The following NCKAP5 variants were observed in gnomAD, a reference collection of about 807,000 sequenced individuals.
NCKAP5 encodes the protein nck-associated protein 5.
Under a neutral mutation model 167.0 loss-of-function variants are expected in NCKAP5, and 92 were observed. That is an observed-to-expected ratio of 0.55 (90% CI 0.47 to 0.66). The LOEUF (loss-of-function observed/expected upper bound fraction) is 0.66, where lower values mean the gene tolerates loss of function less well. Among genes scored for constraint, NCKAP5 ranks in the 30% least tolerant of loss-of-function variants. NCKAP5 has a pLI of 0.00. For synonymous variants in NCKAP5, 891 were observed against 877.4 expected (o/e 1.02, Z -0.27); for missense variants, 2,378 against 2,315.0 (o/e 1.03, Z -0.56).
intron 2 of NCKAP5, among the ~76,000 whole-genome samples, chr2:133,518,372 T>TTG: frequency 7.7e-6 from 1 of 129,214 alleles, no homozygotes; most frequent in Non-Finnish European, 1.6e-5. Context: ...TTTTTTTTTT[T>TTG]GGGATGGAAT....
At chr2:133,516,850 G>T (rs1347349090) in intron 3 of NCKAP5, among the ~76,000 whole-genome samples, 1 of 152,188 alleles carries the variant, frequency 6.6e-6, no homozygotes, top group Non-Finnish European at 1.5e-5. Context: ...ACACATGTTG[G>T]CCCAGAGACT....
intron 8 of NCKAP5, among the ~76,000 whole-genome samples, chr2:132,927,759 AG>A (rs1463577612): frequency 1.3e-5 from 2 of 152,078 alleles, no homozygotes; most frequent in African/African-American, 2.4e-5. Flanking sequence ...ATTAAATCTA[AG>A]AGTTTTTGGA....
intron 5 of NCKAP5, among the ~76,000 whole-genome samples, chr2:133,197,025 G>A (rs1469586744): frequency 6.6e-6 from 1 of 152,096 alleles, no homozygotes; most frequent in Non-Finnish European, 1.5e-5. Flanking sequence ...TCTTCTGACT[G>A]TTTTGTTCCA....
intron 9 of NCKAP5, among the ~76,000 whole-genome samples, chr2:132,870,273 C>G (rs1265111787): frequency 1.3e-5 from 2 of 152,162 alleles, no homozygotes; most frequent in Non-Finnish European, 2.9e-5. Context: ...CTAAACTTCA[C>G]TATTACCTTG....
the NCKAP5 span, among the ~76,000 whole-genome samples, chr2:133,589,326 C>A: frequency 6.6e-6 from 1 of 152,156 alleles, no homozygotes; most frequent in African/African-American, 2.4e-5. Flanking sequence ...AAGAATACAT[C>A]TGAGGTTTTT....
chr2:133,123,914 T>G (rs2082324305), intron 6 of NCKAP5: 1 of 399,188 alleles, frequency 2.5e-6, no homozygotes, highest in African/African-American at 2.1e-5. Context: ...CTATGCCAGG[T>G]GCCTACAGTT....
intron 6 of NCKAP5, among the ~76,000 whole-genome samples, chr2:133,016,734 A>G (rs2078352382): frequency 6.6e-6 from 1 of 152,216 alleles, no homozygotes; most frequent in Non-Finnish European, 1.5e-5. Context: ...TCCAGAAAGG[A>G]TAGCTGAGTC....
chr2:133,531,826 A>G (rs1383642114), intron 2 of NCKAP5, among the ~76,000 whole-genome samples: 1 of 152,242 alleles, frequency 6.6e-6, no homozygotes, highest in Non-Finnish European at 1.5e-5. Context: ...ACAGAGATTC[A>G]TGTACCTACT....
intron 4 of NCKAP5, chr2:133,266,420 G>C (rs1032401706): frequency 2.0e-5 from 3 of 152,624 alleles, no homozygotes; most frequent in Non-Finnish European, 2.9e-5. Flanking sequence ...AGGACTGAAC[G>C]GGGTAGTGGG....
chr2:133,185,838 A>G (rs868527585), intron 5 of NCKAP5, among the ~76,000 whole-genome samples: 7 of 152,206 alleles, frequency 4.6e-5, no homozygotes, highest in South Asian at 2.1e-4. Context: ...GATGTAATTT[A>G]TCAGTTCTGG....
chr2:133,073,245 C>A (rs1304935076), intron 6 of NCKAP5, among the ~76,000 whole-genome samples: 1 of 151,748 alleles, frequency 6.6e-6, no homozygotes, highest in Non-Finnish European at 1.5e-5. Context: ...TTCTTTCTCC[C>A]TTTTTTTATT....
chr2:133,246,053 T>A (rs533960602), intron 4 of NCKAP5, among the ~76,000 whole-genome samples: 7 of 152,064 alleles, frequency 4.6e-5, no homozygotes, highest in African/African-American at 1.7e-4. Context: ...AAAGGCCTCA[T>A]GGAAGAGACG....
the NCKAP5 span, among the ~76,000 whole-genome samples, chr2:133,654,565 T>C: frequency 1.3e-5 from 2 of 152,106 alleles, no homozygotes; most frequent in Non-Finnish European, 2.9e-5. Flanking sequence ...AAAGGAAACT[T>C]TCTGTAGATT....
intron 16 of NCKAP5, among the ~76,000 whole-genome samples, chr2:132,735,278 G>A (rs1691403022): frequency 6.6e-6 from 1 of 152,196 alleles, no homozygotes; most frequent in Non-Finnish European, 1.5e-5. Flanking sequence ...CTGGAGGCTG[G>A]TGGGAGGTGT....
intron 3 of NCKAP5, among the ~76,000 whole-genome samples, chr2:133,470,392 G>A (rs62177700): frequency 0.26 from 39,128 of 151,870 alleles, 5,529 homozygotes; most frequent in African/African-American, 0.37. Flanking sequence ...CTGCGTGCTG[G>A]GAGAACCACT....
intron 6 of NCKAP5, among the ~76,000 whole-genome samples, chr2:133,071,466 C>T (rs553977120): frequency 4.0e-5 from 6 of 151,486 alleles, no homozygotes; most frequent in Non-Finnish European, 8.8e-5. Flanking sequence ...AACAAACAAA[C>T]AAAAAAAAAT....
At chr2:133,635,490 A>C in the NCKAP5 span, among the ~76,000 whole-genome samples, 48 of 152,016 alleles carry the variant, frequency 3.2e-4, no homozygotes, top group Non-Finnish European at 6.0e-4. Flanking sequence ...TAGAAATAAA[A>C]CTCCTTGGTA....
At chr2:133,427,320 C>T (rs1412552320) in intron 3 of NCKAP5, among the ~76,000 whole-genome samples, 2 of 152,014 alleles carry the variant, frequency 1.3e-5, no homozygotes, top group African/African-American at 4.8e-5. Context: ...TTAAGCAAAA[C>T]ATTAATGACT....
At chr2:133,099,764 T>C (rs1053375038) in intron 6 of NCKAP5, among the ~76,000 whole-genome samples, 1 of 152,232 alleles carries the variant, frequency 6.6e-6, no homozygotes, top group Non-Finnish European at 1.5e-5. Context: ...CCCTTTTTAT[T>C]GTTACCCCAT....
Sources: allele counts gnomAD v4.1 joint callset (sites outside exome capture counted in the v4.1 genomes callset), GRCh38; gene constraint gnomAD v4.1.1; transcripts MANE v1.5; gene names NCBI Gene and HGNC (gene_info 2026-07-23, HGNC 2026-07-21).